PCDH15: variants seen among roughly 807,000 people sequenced by gnomAD.
PCDH15 encodes the protein protocadherin-15.
Under a neutral mutation model 178.5 loss-of-function variants are expected in PCDH15, and 129 were observed. The ratio of observed to expected loss-of-function variants is 0.72; its 90% confidence interval spans 0.63 to 0.84. The LOEUF (loss-of-function observed/expected upper bound fraction) is 0.84. Among genes scored for constraint, PCDH15 ranks in the 40% least tolerant of loss-of-function variants. The probability of loss-of-function intolerance (pLI) is 0.00; values close to 1 mark genes in which losing one functional copy is unlikely to be tolerated. For missense variants in PCDH15, 2,230 were observed against 2,099.9 expected (o/e 1.06, Z -1.21); for synonymous variants, 800 against 732.0 (o/e 1.09, Z -1.50).
intron 32 of PCDH15, among the ~76,000 whole-genome samples, chr10:53,824,823 T>TAAAC (rs1482776098): frequency 2.6e-5 from 4 of 152,146 alleles, no homozygotes; most frequent in East Asian, 3.9e-4. Flanking sequence ...TAAATAGGTT[T>TAAAC]CTATTTATAG....
At chr10:55,608,129 T>C (rs1843274479) in intron 2 of PCDH15, among the ~76,000 whole-genome samples, 1 of 151,550 alleles carries the variant, frequency 6.6e-6, no homozygotes, top group South Asian at 2.1e-4. Context: ...ACACATAGAG[T>C]ACAAACTGGA....
chr10:53,984,794 A>G (rs1044500182), intron 21 of PCDH15, among the ~76,000 whole-genome samples: 2 of 152,074 alleles, frequency 1.3e-5, no homozygotes, highest in African/African-American at 4.8e-5. Flanking sequence ...ACATTTAAGG[A>G]GTATCTTTTA....
intron 2 of PCDH15, among the ~76,000 whole-genome samples, chr10:55,384,077 T>G (rs999520186): frequency 1.3e-5 from 2 of 152,202 alleles, no homozygotes; most frequent in African/African-American, 2.4e-5. Flanking sequence ...TAAATAATGA[T>G]GCATTGACTT....
intron 29 of PCDH15, among the ~76,000 whole-genome samples, chr10:53,838,975 C>T (rs1009265165): frequency 2.1e-4 from 32 of 152,014 alleles, no homozygotes; most frequent in African/African-American, 7.0e-4. Flanking sequence ...GATGCCAAGG[C>T]GGGCGGATCA....
chr10:54,922,572 G>A (rs1425729753), intron 2 of PCDH15, among the ~76,000 whole-genome samples: 1 of 152,044 alleles, frequency 6.6e-6, no homozygotes, highest in Admixed American at 6.6e-5. Context: ...AGACATGATT[G>A]TGTTTTATAA....
chr10:54,557,750 T>C (rs1437691510), intron 2 of PCDH15, among the ~76,000 whole-genome samples: 2 of 152,156 alleles, frequency 1.3e-5, no homozygotes, highest in African/African-American at 2.4e-5. Flanking sequence ...GTTCTTTCTG[T>C]TTTTATTTTA....
intron 1 of PCDH15, among the ~76,000 whole-genome samples, chr10:54,792,435 C>A (rs764311478): frequency 6.6e-6 from 1 of 151,874 alleles, no homozygotes; most frequent in African/African-American, 2.4e-5. Context: ...ATAAGATACC[C>A]GAATACTTGG....
intron 2 of PCDH15, among the ~76,000 whole-genome samples, chr10:55,535,923 A>G (rs1298507149): frequency 6.6e-6 from 1 of 152,082 alleles, no homozygotes; most frequent in Non-Finnish European, 1.5e-5. Context: ...CACCTTGCTT[A>G]AGATATTAAA....
intron 1 of PCDH15, among the ~76,000 whole-genome samples, chr10:54,757,105 T>C (rs1482177084): frequency 6.6e-6 from 1 of 152,178 alleles, no homozygotes; most frequent in Non-Finnish European, 1.5e-5. Flanking sequence ...GCTTTATGAA[T>C]GTTCTGCTTC....
intron 2 of PCDH15, among the ~76,000 whole-genome samples, chr10:55,382,594 G>A (rs1837563092): frequency 1.3e-5 from 2 of 152,150 alleles, no homozygotes; most frequent in South Asian, 4.1e-4. Flanking sequence ...AGTGAGACAC[G>A]TGTTGGATTA....
chr10:53,991,061 G>A (rs2091441342), intron 21 of PCDH15, among the ~76,000 whole-genome samples: 1 of 152,132 alleles, frequency 6.6e-6, no homozygotes, highest in Non-Finnish European at 1.5e-5. Flanking sequence ...GGCAGGGCTT[G>A]GGACCTGCAG....
At chr10:54,870,707 A>G (rs1011619162) in intron 3 of PCDH15, among the ~76,000 whole-genome samples, 4 of 152,056 alleles carry the variant, frequency 2.6e-5, no homozygotes, top group African/African-American at 7.2e-5. Flanking sequence ...AATGGCGTGA[A>G]CCCGGGAGGC....
chr10:55,334,242 A>ATATATATATATATATATATGTG (rs1291195941), intron 2 of PCDH15, among the ~76,000 whole-genome samples: 12 of 72,140 alleles, frequency 1.7e-4, no homozygotes, highest in African/African-American at 8.6e-4. Context: ...ATATATATAT[A>ATATATATATATATATATATGTG]TGTGTGTGTG....
intron 26 of PCDH15, among the ~76,000 whole-genome samples, chr10:53,894,571 T>C (rs1789819837): frequency 1.3e-5 from 2 of 152,222 alleles, no homozygotes; most frequent in South Asian, 4.1e-4. Flanking sequence ...AGGAAGAAAA[T>C]TGTCACAAAA....
Position 55,415,335 on chromosome 10 carries a change from C to T in PCDH15, c.-156+212290G>A, listed in dbSNP as rs61851118. ...TCTACTGCCTTATAAACTATCAGAGCACTGCTAAAATAATCCTTTTTAATT... is the reference window on the plus strand; with the variant it reads ...TCTACTGCCTTATAAACTATCAGAGTACTGCTAAAATAATCCTTTTTAATT... On this transcript the variant is annotated intron_variant, in intron 2 of 5. Coordinates refer to the PCDH15 transcript ENST00000613346. Among the ~76,000 whole-genome samples the T allele has an allele frequency of 2.6e-5, 4 of 151,450 alleles. No individual in the cohort carries two copies. In the South Asian group the frequency reaches 8.3e-4, roughly 31 times the overall value.
intron 2 of PCDH15, among the ~76,000 whole-genome samples, chr10:55,465,981 T>C (rs544505016): frequency 6.6e-6 from 1 of 152,300 alleles, no homozygotes; most frequent in South Asian, 2.1e-4. Context: ...CGTCACTGAA[T>C]GAACTTCATT....
intron 2 of PCDH15, among the ~76,000 whole-genome samples, chr10:55,159,958 T>C (rs1379775771): frequency 3.3e-5 from 5 of 151,878 alleles, no homozygotes; most frequent in Non-Finnish European, 5.9e-5. Flanking sequence ...GCTTCTGAAC[T>C]TTCTCATAAA....
intron 2 of PCDH15, among the ~76,000 whole-genome samples, chr10:55,445,557 A>G (rs1294575032): frequency 1.3e-5 from 2 of 152,196 alleles, no homozygotes; most frequent in Non-Finnish European, 2.9e-5. Flanking sequence ...TACATATGCT[A>G]CAAACCATCT....
At chr10:54,919,315 T>C (rs1837423236) in intron 2 of PCDH15, among the ~76,000 whole-genome samples, 1 of 152,166 alleles carries the variant, frequency 6.6e-6, no homozygotes, top group Admixed American at 6.6e-5. Flanking sequence ...AGGAACATTA[T>C]ATAGGGCAAG....
Sources: gnomAD v4.1 joint callset for allele counts (sites outside exome capture counted in the v4.1 genomes callset) on GRCh38, gnomAD v4.1.1 for gene constraint, MANE v1.5 for transcripts, NCBI Gene and HGNC (gene_info 2026-07-23, HGNC 2026-07-21) for gene names.